Variants in NAV3 observed in about 807,000 individuals in gnomAD.
The protein encoded by NAV3 is neuron navigator 3.
NAV3 carries 87 observed loss-of-function variants against 244.7 expected under a neutral mutation model. The observed-to-expected ratio is 0.36, with a 90% CI of 0.30 to 0.42. The LOEUF (loss-of-function observed/expected upper bound fraction) is 0.42, where lower values mean the gene tolerates loss of function less well. NAV3 is among the 20% of genes least tolerant of loss of function. The pLI is 1.00. For missense variants in NAV3, 2,663 were observed against 2,893.3 expected (o/e 0.92, Z 1.83); for synonymous variants, 1,126 against 1,042.2 (o/e 1.08, Z -1.55).
At chr12:77,766,166 C>T (rs1223476253) in intron 2 of NAV3, among the ~76,000 whole-genome samples, 4 of 152,124 alleles carry the variant, frequency 2.6e-5, no homozygotes, top group Admixed American at 2.6e-4. Context: ...TAAAAATAAA[C>T]TTAGCTCACG....
intron 2 of NAV3, among the ~76,000 whole-genome samples, chr12:77,642,739 T>G (rs1872467385): frequency 6.6e-6 from 1 of 152,080 alleles, no homozygotes. Flanking sequence ...AGAAATTTGA[T>G]CATTTTTTTT....
intron 1 of NAV3, among the ~76,000 whole-genome samples, chr12:77,875,478 G>T (rs910677379): frequency 6.6e-6 from 1 of 151,736 alleles, no homozygotes; most frequent in African/African-American, 2.4e-5. Context: ...TATTAGTTCC[G>T]TGAGAACAAG....
intron 23 of NAV3, among the ~76,000 whole-genome samples, chr12:78,164,795 T>C (rs1044564208): frequency 6.6e-6 from 1 of 151,994 alleles, no homozygotes; most frequent in Non-Finnish European, 1.5e-5. Flanking sequence ...TTAGTGCCAA[T>C]GTGAGGACCT....
intron 5 of NAV3, among the ~76,000 whole-genome samples, chr12:77,970,980 CTT>C (rs1249235444): frequency 1.3e-5 from 2 of 152,084 alleles, no homozygotes; most frequent in Non-Finnish European, 2.9e-5. Flanking sequence ...TTACCTCACT[CTT>C]TTTCTGTATC....
rs1007139590 is a variant in NAV3 at position 78,036,731 on chromosome 12, T to C, written c.2024-13262T>C. 1.4e-5 allele frequency: 8 copies of C among 590,298 alleles called. No individual in the cohort carries two copies. The African/African-American group carries it at 1.5e-4, about 11-fold the overall frequency. 36.6% of individuals were successfully genotyped at this position (590,298 alleles called of 1,614,324 possible). A position where few individuals can be genotyped will look rare whatever the true frequency, so the allele number is the denominator to read the frequency against. ...AATTATATATACTATATCTCTAGAA[T>C]CTTCTGTGAATGTGTGAGCTTGAGC... On this transcript the variant is annotated intron_variant, in intron 9 of 39. Transcript: ENST00000397909.
chr12:78,179,057 G>A (rs1042347049), intron 28 of NAV3, among the ~76,000 whole-genome samples: 3 of 151,912 alleles, frequency 2.0e-5, no homozygotes, highest in Non-Finnish European at 2.9e-5. Flanking sequence ...GATTTTTATG[G>A]TAATTAAAGA....
intron 2 of NAV3, among the ~76,000 whole-genome samples, chr12:77,632,598 G>C (rs903425294): frequency 6.6e-6 from 1 of 152,170 alleles, no homozygotes. Context: ...AATTGTGGGA[G>C]CTACAATTCA....
intron 2 of NAV3, among the ~76,000 whole-genome samples, chr12:77,648,200 C>A (rs1872682122): frequency 6.6e-6 from 1 of 151,976 alleles, no homozygotes; most frequent in African/African-American, 2.4e-5. Context: ...GTATAAGAGC[C>A]AAGAACCTGC....
chr12:77,786,996 G>A (rs936422796), intron 2 of NAV3, among the ~76,000 whole-genome samples: 2 of 151,832 alleles, frequency 1.3e-5, no homozygotes, highest in East Asian at 1.9e-4. Flanking sequence ...CTATAAGTTC[G>A]TTGAAAAGTA....
At chr12:77,941,529 T>A (rs1294135148) in intron 3 of NAV3, among the ~76,000 whole-genome samples, 2 of 152,210 alleles carry the variant, frequency 1.3e-5, no homozygotes, top group Non-Finnish European at 2.9e-5. Flanking sequence ...CATAACAAAG[T>A]CCAGTGTAAA....
At chr12:77,855,556 A>C (rs1878269086) in intron 1 of NAV3, among the ~76,000 whole-genome samples, 1 of 152,232 alleles carries the variant, frequency 6.6e-6, no homozygotes, top group Admixed American at 6.5e-5. Flanking sequence ...GGGGTACAGA[A>C]GTGTATTCAC....
At chr12:78,137,118 C>T (rs1956406110) in intron 18 of NAV3, 59 bp from the exon 19 acceptor site, 1 of 1,461,532 alleles carries the variant, frequency 6.8e-7, no homozygotes, top group Non-Finnish European at 9.3e-7. Context: ...TTTCTATCAA[C>T]CTGCTATTTT....
chr12:77,871,552 C>T (rs1484174956), intron 1 of NAV3, among the ~76,000 whole-genome samples: 1 of 152,116 alleles, frequency 6.6e-6, no homozygotes, highest in Non-Finnish European at 1.5e-5. Flanking sequence ...GTTTTCTGTT[C>T]CTGTGTTAGT....
At chr12:78,009,274 C>T (rs546232876) in intron 8 of NAV3, among the ~76,000 whole-genome samples, 1 of 151,638 alleles carries the variant, frequency 6.6e-6, no homozygotes, top group East Asian at 1.9e-4. Flanking sequence ...TCTGTTTGAC[C>T]TCTTTAACAA....
intron 2 of NAV3, among the ~76,000 whole-genome samples, chr12:77,584,625 G>A (rs779618873): frequency 3.9e-5 from 6 of 152,098 alleles, no homozygotes; most frequent in Non-Finnish European, 7.3e-5. Flanking sequence ...ACTCTTACAA[G>A]TGAGAAAAAT....
chr12:77,960,033 G>A (rs1048156122), intron 3 of NAV3, among the ~76,000 whole-genome samples: 6 of 148,922 alleles, frequency 4.0e-5, no homozygotes, highest in African/African-American at 9.9e-5. Flanking sequence ...CATTCAGATA[G>A]TCAACAGTAA....
At chr12:77,760,255 C>T (rs1196062694) in intron 2 of NAV3, among the ~76,000 whole-genome samples, 4 of 152,198 alleles carry the variant, frequency 2.6e-5, no homozygotes, top group Non-Finnish European at 4.4e-5. Flanking sequence ...TTTAGTTTCA[C>T]ATCCAGGTGG....
intron 1 of NAV3, among the ~76,000 whole-genome samples, chr12:77,865,364 A>G (rs1221026649): frequency 1.5e-5 from 1 of 65,482 alleles, no homozygotes; most frequent in Non-Finnish European, 3.1e-5. Context: ...AAGGTACCAC[A>G]TATTTCAAGC....
intron 2 of NAV3, among the ~76,000 whole-genome samples, chr12:77,764,617 CAA>C (rs1869649048): frequency 6.6e-6 from 1 of 152,102 alleles, no homozygotes; most frequent in African/African-American, 2.4e-5. Context: ...TAGGATTTTT[CAA>C]AAGAGAGCCT....
Sources: gnomAD v4.1 joint callset for allele counts (sites outside exome capture counted in the v4.1 genomes callset) on GRCh38, gnomAD v4.1.1 for gene constraint, MANE v1.5 for transcripts, NCBI Gene and HGNC (gene_info 2026-07-23, HGNC 2026-07-21) for gene names.